PRKN: variants seen among roughly 807,000 people sequenced by gnomAD.
PRKN encodes E3 ubiquitin-protein ligase parkin.
In PRKN, 56 loss-of-function variants were observed where a neutral mutation model predicts 59.5. The observed-to-expected ratio is 0.94, with a 90% CI of 0.76 to 1.18. The LOEUF is 1.18. Ranked by LOEUF, PRKN falls within the 50% of genes most tolerant of loss-of-function variation. The pLI is 0.00. For synonymous variants in PRKN, 250 were observed against 222.1 expected (o/e 1.13, Z -1.12); for missense variants, 657 against 596.4 (o/e 1.10, Z -1.06).
chr6:162,058,952 A>C (rs917776536), intron 4 of PRKN, among the ~76,000 whole-genome samples: 2 of 126,360 alleles, frequency 1.6e-5, no homozygotes, highest in Admixed American at 7.7e-5. Context: ...ACTCTGCCTC[A>C]ACAAGAAAAA....
Position 162,500,057 on chromosome 6 carries a change from T to G in PRKN, c.8-56584A>C, listed in dbSNP as rs1035914340. Among the ~76,000 whole-genome samples, 11 of 152,276 alleles carry G rather than the reference T, an allele frequency of 7.2e-5. 1 individual carries two copies. The highest frequency in any genetic ancestry group is 5.9e-5 in the Non-Finnish European group (4 of 68,024). ...AAGCCATCCAATGGTTCATGGCTCA[T>G]GGCACTCATATTAGCAAAGGTGGGT... On this transcript the variant is annotated intron_variant, in intron 1 of 11. Coordinates refer to ENST00000366898, the MANE Select transcript of PRKN (RefSeq NM_004562.3).
chr6:162,533,037 A>G (rs545918644), intron 1 of PRKN, among the ~76,000 whole-genome samples: 1 of 152,282 alleles, frequency 6.6e-6, no homozygotes, highest in African/African-American at 2.4e-5. Context: ...GGCTGTACTG[A>G]CGTGCTTCAC....
At chr6:162,343,247 T>C (rs1213719426) in intron 2 of PRKN, among the ~76,000 whole-genome samples, 1 of 152,228 alleles carries the variant, frequency 6.6e-6, no homozygotes, top group Non-Finnish European at 1.5e-5. Flanking sequence ...ACTGTTAACC[T>C]TGGGATCAAG....
At chr6:162,451,592 A>G (rs1790630747) in intron 1 of PRKN, among the ~76,000 whole-genome samples, 1 of 152,070 alleles carries the variant, frequency 6.6e-6, no homozygotes, top group Non-Finnish European at 1.5e-5. Context: ...AGAGAGAGAG[A>G]GAATCAAATA....
chr6:162,549,725 G>A (rs1436302298), intron 1 of PRKN, among the ~76,000 whole-genome samples: 1 of 149,136 alleles, frequency 6.7e-6, no homozygotes, highest in Non-Finnish European at 1.5e-5. Context: ...TGCAACCGCT[G>A]CCTCCTGAGT....
At chr6:162,081,510 G>A (rs1003047458) in intron 4 of PRKN, among the ~76,000 whole-genome samples, 5 of 152,062 alleles carry the variant, frequency 3.3e-5, no homozygotes, top group African/African-American at 1.2e-4. Flanking sequence ...TGAAAGGAAT[G>A]TTTTTTCCCG....
intron 5 of PRKN, among the ~76,000 whole-genome samples, chr6:162,026,854 T>C (rs1783455142): frequency 6.6e-6 from 1 of 152,156 alleles, no homozygotes; most frequent in Non-Finnish European, 1.5e-5. Context: ...TCATGTTGCT[T>C]AATAGCTTGC....
chr6:161,977,541 G>GT (rs1562433349), intron 5 of PRKN, among the ~76,000 whole-genome samples: 2,970 of 98,318 alleles, frequency 0.03, 177 homozygotes, highest in African/African-American at 0.062. Context: ...CTGTTTTTTT[G>GT]GTTTTTTTTT....
intron 6 of PRKN, among the ~76,000 whole-genome samples, chr6:161,816,725 CT>C (rs1397447968): frequency 5.7e-5 from 6 of 106,032 alleles, no homozygotes; most frequent in African/African-American, 1.8e-4. Context: ...GAGACTCCAT[CT>C]CAAAAAAAAA....
rs1219815200 is a variant in PRKN at position 161,371,909 on chromosome 6, G to A, written c.1168-11704C>T. Among the ~76,000 whole-genome samples, 1 of 152,180 alleles carries A rather than the reference G, an allele frequency of 6.6e-6. No homozygotes were observed. Among genetic ancestry groups the A allele is most frequent in the Non-Finnish European group, 1.5e-5 (1 of 68,038 alleles). On this transcript the variant is annotated intron_variant, in intron 10 of 11. Transcript: ENST00000366898. This position sits in a 1 kb window ranked among gnomAD's most constrained non-coding sequence, Gnocchi z 5.5. ...CTGCCTCGGCCTCCCAAAGTGCTGG[G>A]ATTACAGGCATGAGCCACCATGCCT...
intron 7 of PRKN, among the ~76,000 whole-genome samples, chr6:161,627,753 C>T (rs1326621181): frequency 6.6e-6 from 1 of 152,214 alleles, no homozygotes; most frequent in Non-Finnish European, 1.5e-5. Flanking sequence ...TGTTCTATGA[C>T]TGCTTCCAAT....
At chr6:162,192,186 G>A (rs59669922) in intron 4 of PRKN, among the ~76,000 whole-genome samples, 6,888 of 152,040 alleles carry the variant, frequency 0.045, 495 homozygotes, top group African/African-American at 0.16. Flanking sequence ...CAATGAATAA[G>A]ATTGTAGATC....
rs142131376 is a variant in PRKN, at chr6:162,722,682, T to A, written c.7+4980A>T. 7.1e-4 allele frequency among the ~76,000 whole-genome samples: 108 copies of A among 152,322 alleles called. 1 individual carries two copies. Among genetic ancestry groups the A allele is most frequent in the East Asian group, 6.9e-3 (36 of 5,190 alleles). ...ATATGAAGCATTTCGAAGTAAGAAC[T>A]CTTTTTTTTGCATTTTTCAAAGAAA... On this transcript the variant is annotated intron_variant, in intron 1 of 11. Coordinates refer to ENST00000366898, the MANE Select transcript of PRKN (RefSeq NM_004562.3).
At chr6:162,359,079 A>AAAAAAAAAAAAATATATATATATAT (rs57265104) in intron 2 of PRKN, among the ~76,000 whole-genome samples, 25 of 83,224 alleles carry the variant, frequency 3.0e-4, no homozygotes, top group African/African-American at 1.7e-3. Context: ...AAAAAAAAAA[A>AAAAAAAAAAAAATATATATATATAT]ATATATATAT....
chr6:162,630,057 T>C (rs559665082), intron 1 of PRKN, among the ~76,000 whole-genome samples: 66 of 152,292 alleles, frequency 4.3e-4, no homozygotes, highest in South Asian at 1.9e-3. Context: ...CTGTGCACGA[T>C]GGTCTGCACA....
At chr6:162,459,051 C>A (rs1190310622) in intron 1 of PRKN, among the ~76,000 whole-genome samples, 1 of 152,050 alleles carries the variant, frequency 6.6e-6, no homozygotes, top group East Asian at 1.9e-4. Flanking sequence ...AACTCCTGAC[C>A]CCAGGTGATC....
At chr6:162,330,060 C>T (rs931404123) in intron 2 of PRKN, among the ~76,000 whole-genome samples, 3 of 152,126 alleles carry the variant, frequency 2.0e-5, no homozygotes, top group Non-Finnish European at 2.9e-5. Context: ...AGAAAGTTCC[C>T]CTCAGGAAAG....
chr6:162,469,716 T>C (rs1363625874), intron 1 of PRKN, among the ~76,000 whole-genome samples: 1 of 151,890 alleles, frequency 6.6e-6, no homozygotes, highest in Admixed American at 6.6e-5. Flanking sequence ...CAGTGGACTC[T>C]GGGGACTCAA....
chr6:162,560,047 T>C lies in PRKN; in HGVS notation c.8-116574A>G, dbSNP rs1048925752. ...ATTATTATTAAACTTTTTCTATTTATATGTATTTCATTCTCAGTTAATATG... is the reference window on the plus strand; with the variant it reads ...ATTATTATTAAACTTTTTCTATTTACATGTATTTCATTCTCAGTTAATATG... On this transcript the variant is annotated intron_variant, in intron 1 of 11. Coordinates refer to ENST00000366898, the MANE Select transcript of PRKN (RefSeq NM_004562.3). Among the ~76,000 whole-genome samples, 6 of 152,220 alleles carry C rather than the reference T, an allele frequency of 3.9e-5. No individual in the cohort carries two copies. In the South Asian group the frequency reaches 6.2e-4, roughly 16 times the overall value.
Sources: allele counts gnomAD v4.1 joint callset (sites outside exome capture counted in the v4.1 genomes callset), GRCh38; gene constraint gnomAD v4.1.1; non-coding constraint Gnocchi (gnomAD v3.1); transcripts MANE v1.5; gene names NCBI Gene and HGNC (gene_info 2026-07-23, HGNC 2026-07-21).